EPHA6: variants seen among roughly 807,000 people sequenced by gnomAD.
EPHA6 encodes EPH receptor A6.
EPHA6 carries 50 observed loss-of-function variants against 112.0 expected under a neutral mutation model. The ratio of observed to expected loss-of-function variants is 0.45; its 90% CI spans 0.36 to 0.56. The LOEUF is 0.56. Ranked by LOEUF, EPHA6 falls within the 20% of genes least tolerant of loss-of-function variation. EPHA6 has a pLI of 0.00. For synonymous variants in EPHA6, 529 were observed against 490.7 expected (o/e 1.08, Z -1.03); for missense variants, 1,280 against 1,417.4 (o/e 0.90, Z 1.56).
intron 14 of EPHA6, among the ~76,000 whole-genome samples, chr3:97,716,172 C>G (rs1396329971): frequency 6.6e-6 from 1 of 152,030 alleles, no homozygotes; most frequent in Non-Finnish European, 1.5e-5. Flanking sequence ...AAAAAAGTAC[C>G]TTAGTGCATT....
intron 10 of EPHA6, among the ~76,000 whole-genome samples, chr3:97,498,551 T>C (rs1331123611): frequency 1.3e-5 from 2 of 152,128 alleles, no homozygotes; most frequent in Non-Finnish European, 2.9e-5. Context: ...GTACAATTAG[T>C]GTGAATGTTG....
intron 3 of EPHA6, among the ~76,000 whole-genome samples, chr3:97,040,385 C>T (rs1427636948): frequency 6.6e-6 from 1 of 151,914 alleles, no homozygotes; most frequent in Non-Finnish European, 1.5e-5. Flanking sequence ...TGTTTCATAA[C>T]ATAAAACAAC....
chr3:97,632,146 A>C (rs1211725542), intron 13 of EPHA6, among the ~76,000 whole-genome samples: 1 of 152,022 alleles, frequency 6.6e-6, no homozygotes, highest in Non-Finnish European at 1.5e-5. Context: ...TTTGCAGAGA[A>C]TCTCCTATAG....
intron 12 of EPHA6, among the ~76,000 whole-genome samples, chr3:97,595,746 A>T (rs1014224678): frequency 2.3e-4 from 35 of 152,018 alleles, no homozygotes; most frequent in African/African-American, 8.4e-4. Flanking sequence ...AAATAAGAGA[A>T]TGGGGAAGGA....
In EPHA6 at chr3:97,320,824, A is replaced by T. The variant is rs917924620; in HGVS notation, c.1606+76537A>T. ...TCTGTGTTCTCTGGGGGCAAAAAAT[A>T]AAAAAAATAAAAAAAAAGGGATGAA... is the stretch of plus-strand genomic sequence containing the variant. On this transcript the variant is annotated intron_variant, in intron 5 of 17. Transcript: ENST00000389672. Among the ~76,000 whole-genome samples, 160 of 127,486 alleles carry T rather than the reference A, an allele frequency of 1.3e-3. 2 individuals carry two copies. Among genetic ancestry groups the T allele is most frequent in the Non-Finnish European group, 1.8e-3 (118 of 64,214 alleles). 83.6% of individuals were successfully genotyped at this position (127,486 alleles called of 152,430 possible).
intron 10 of EPHA6, among the ~76,000 whole-genome samples, chr3:97,497,430 A>G (rs973938734): frequency 6.6e-6 from 1 of 152,202 alleles, no homozygotes; most frequent in African/African-American, 2.4e-5. Flanking sequence ...CAAATTTATC[A>G]GAGACCTTTC....
intron 2 of EPHA6, among the ~76,000 whole-genome samples, chr3:96,904,528 A>C (rs998296539): frequency 1.3e-5 from 2 of 151,386 alleles, no homozygotes; most frequent in African/African-American, 2.4e-5. Flanking sequence ...TACTGGGTGC[A>C]GCACACCAAC....
At chr3:96,840,189 G>A (rs2034652535) in intron 1 of EPHA6, among the ~76,000 whole-genome samples, 1 of 151,742 alleles carries the variant, frequency 6.6e-6, no homozygotes, top group Non-Finnish European at 1.5e-5. Context: ...CCATGTACCT[G>A]AAAGTTGGAG....
intron 2 of EPHA6, among the ~76,000 whole-genome samples, chr3:96,876,885 A>G (rs2036989293): frequency 6.6e-6 from 1 of 150,948 alleles, no homozygotes; most frequent in African/African-American, 2.4e-5. Flanking sequence ...GAATTAGGAA[A>G]CTCCTTTTCT....
intron 14 of EPHA6, among the ~76,000 whole-genome samples, chr3:97,676,855 G>C (rs1051035805): frequency 2.6e-5 from 4 of 152,120 alleles, no homozygotes; most frequent in Non-Finnish European, 5.9e-5. Context: ...GATGTAATCA[G>C]CTAAAATCGA....
At chr3:97,574,641 A>G (rs1459308245) in intron 11 of EPHA6, among the ~76,000 whole-genome samples, 2 of 152,206 alleles carry the variant, frequency 1.3e-5, no homozygotes, top group Admixed American at 6.5e-5. Flanking sequence ...TTGTTAAACA[A>G]AGACTACTAT....
chr3:97,358,779 G>T (rs565847641), intron 5 of EPHA6, among the ~76,000 whole-genome samples: 111 of 151,706 alleles, frequency 7.3e-4, no homozygotes, highest in Non-Finnish European at 1.5e-3. Context: ...TGTTTATCTG[G>T]GAATATTTAA....
At chr3:97,618,631 C>T (rs2107492457) in intron 13 of EPHA6, among the ~76,000 whole-genome samples, 1 of 152,194 alleles carries the variant, frequency 6.6e-6, no homozygotes, top group Admixed American at 6.5e-5. Context: ...ATACTATAAA[C>T]ACCTCTATTC....
At chr3:96,818,670 T>C (rs9859484) in intron 1 of EPHA6, among the ~76,000 whole-genome samples, 2,724 of 152,080 alleles carry the variant, frequency 0.018, 68 homozygotes, top group African/African-American at 0.049. Flanking sequence ...TGATTGAATA[T>C]TGTTCTTATA....
chr3:97,185,659 T>C lies in EPHA6; in HGVS notation c.1115-40605T>C, dbSNP rs542115521. 9.9e-5 allele frequency among the ~76,000 whole-genome samples: 15 copies of C among 152,150 alleles called. No homozygotes were observed. In the South Asian group the frequency reaches 2.9e-3, roughly 29 times the overall value. On this transcript the variant is annotated intron_variant, in intron 3 of 17. Coordinates refer to ENST00000389672, the MANE Select transcript of EPHA6 (RefSeq NM_001080448.3). Reference sequence around the variant, plus strand: ...CCATTGTGGAAGTCAGTGTGGCGATTCCTCAGGGATCTAGAACTAGAAATA... The same window carrying C: ...CCATTGTGGAAGTCAGTGTGGCGATCCCTCAGGGATCTAGAACTAGAAATA...
At chr3:97,057,198 A>G (rs1470402239) in intron 3 of EPHA6, among the ~76,000 whole-genome samples, 1 of 152,170 alleles carries the variant, frequency 6.6e-6, no homozygotes, top group African/African-American at 2.4e-5. Flanking sequence ...TTTAACCATC[A>G]TCCCACACAC....
chr3:96,816,203 T>G (rs2032770552), intron 1 of EPHA6, among the ~76,000 whole-genome samples: 1 of 152,222 alleles, frequency 6.6e-6, no homozygotes, highest in Non-Finnish European at 1.5e-5. Context: ...ATATAATTAT[T>G]AAATTGTTCT....
At chr3:96,899,432 A>C (rs1275322236) in intron 2 of EPHA6, among the ~76,000 whole-genome samples, 1 of 152,248 alleles carries the variant, frequency 6.6e-6, no homozygotes, top group Non-Finnish European at 1.5e-5. Context: ...AGTTTTGGGA[A>C]AAACTACTAC....
chr3:97,535,339 T>C (rs2092748738), intron 11 of EPHA6, among the ~76,000 whole-genome samples: 1 of 152,106 alleles, frequency 6.6e-6, no homozygotes, highest in Non-Finnish European at 1.5e-5. Flanking sequence ...AAAAATCTCA[T>C]ATCTGTTATA....
Sources: allele counts gnomAD v4.1 joint callset (sites outside exome capture counted in the v4.1 genomes callset), GRCh38; gene constraint gnomAD v4.1.1; transcripts MANE v1.5; gene names NCBI Gene and HGNC (gene_info 2026-07-23, HGNC 2026-07-21).